Variants in UPP2 observed in about 807,000 individuals in gnomAD.
The protein encoded by UPP2 is uridine phosphorylase 2.
In UPP2, 23 loss-of-function variants were observed where a neutral mutation model predicts 26.7. The observed-to-expected ratio is 0.86, with a 90% CI of 0.62 to 1.22. The LOEUF is 1.22. Ranked by LOEUF, UPP2 falls within the 50% of genes most tolerant of loss-of-function variation. The pLI is 0.00. For missense variants in UPP2, 387 were observed against 396.7 expected, an observed-to-expected ratio of 0.98 and a Z score of 0.21; for synonymous variants, 127 against 141.3, an observed-to-expected ratio of 0.90 and a Z score of 0.72.
At chr2:158,120,440 C>T (rs1489011881) in intron 4 of UPP2, among the ~76,000 whole-genome samples, 2 of 152,036 alleles carry the variant, frequency 1.3e-5, no homozygotes, top group Admixed American at 6.5e-5. Flanking sequence ...ACTCATTTGA[C>T]AAATTTTTAT....
chr2:158,098,091 C>T (rs913783437), upstream of UPP2, among the ~76,000 whole-genome samples: 2 of 151,994 alleles, frequency 1.3e-5, no homozygotes, highest in Non-Finnish European at 2.9e-5. Flanking sequence ...GACTTGAACA[C>T]GGAGATTGCT....
At chr2:158,052,024 T>G (rs1184749037) in intron 3 of UPP2, among the ~76,000 whole-genome samples, 1 of 152,172 alleles carries the variant, frequency 6.6e-6, no homozygotes, top group East Asian at 1.9e-4. Context: ...TGGATAATTC[T>G]TCCAGCTACA....
At chr2:158,039,402 T>G (rs974249399) in intron 3 of UPP2, among the ~76,000 whole-genome samples, 3 of 152,244 alleles carry the variant, frequency 2.0e-5, no homozygotes, top group African/African-American at 7.2e-5. Context: ...ACAAAGCAAA[T>G]GCTAAGTATC....
chr2:158,039,014 A>C (rs1192302101), intron 3 of UPP2, among the ~76,000 whole-genome samples: 1 of 152,158 alleles, frequency 6.6e-6, no homozygotes, highest in African/African-American at 2.4e-5. Flanking sequence ...GCACTGAGAT[A>C]CTCCCTGTTC....
chr2:158,065,580 C>T, intron 3 of UPP2: 1 of 553,502 alleles, frequency 1.8e-6, no homozygotes, highest in South Asian at 1.5e-5. Context: ...CTGTGGAAGT[C>T]ACATACAAGA....
At chr2:158,119,085 C>T (rs1683504648) in intron 4 of UPP2, among the ~76,000 whole-genome samples, 1 of 152,036 alleles carries the variant, frequency 6.6e-6, no homozygotes, top group African/African-American at 2.4e-5. Context: ...TAGGGAACTG[C>T]TCATTTGGGC....
Position 158,068,538 on chromosome 2 carries a change from T to C in UPP2, c.148-33502T>C, listed in dbSNP as rs192274084. ...TGTATTACCTCCCCCGCTGTTCTGT[T>C]TGACTATGACAGAGACGGGGGCAGG... On this transcript the variant is annotated intron_variant, in intron 3 of 9. Coordinates refer to the UPP2 transcript ENST00000605860. Among the ~76,000 whole-genome samples, 24 of 151,822 alleles carry C rather than the reference T, an allele frequency of 1.6e-4. No homozygotes were observed. The East Asian group carries it at 4.5e-3, about 28-fold the overall frequency.
chr2:157,996,301 C>T (rs760718414), intron 2 of UPP2, among the ~76,000 whole-genome samples: 3 of 151,996 alleles, frequency 2.0e-5, no homozygotes, highest in African/African-American at 7.2e-5. Flanking sequence ...CCTAAACATA[C>T]TTTTTTTTCT....
intron 3 of UPP2, among the ~76,000 whole-genome samples, chr2:158,018,317 C>T (rs571465227): frequency 4.6e-5 from 7 of 152,352 alleles, no homozygotes; most frequent in African/African-American, 1.7e-4. Context: ...TTGGATTATG[C>T]TAATATTCTC....
intron 2 of UPP2, among the ~76,000 whole-genome samples, chr2:158,001,824 C>T (rs1351344545): frequency 6.6e-6 from 1 of 152,090 alleles, no homozygotes; most frequent in Non-Finnish European, 1.5e-5. Flanking sequence ...CAAAACACTG[C>T]TTGCAAATAC....
rs1683666760 is a variant in UPP2 at position 158,125,192 on chromosome 2, G to A, written c.811+1297G>A. ...ACAATAAAGCTTCATTTTTATAAGT[G>A]GAATTTGACTTGCAAAACTTGTCCT... is the stretch of plus-strand genomic sequence containing the variant. On this transcript the variant is annotated intron_variant, in intron 6 of 6. Transcript: ENST00000005756. Among the ~76,000 whole-genome samples the A allele has an allele frequency of 2.0e-5, 3 of 152,050 alleles. No homozygotes were observed. In the South Asian group the frequency reaches 6.2e-4, roughly 32 times the overall value.
chr2:158,103,705 T>C (rs4637061), intron 1 of UPP2, among the ~76,000 whole-genome samples: 15,731 of 152,268 alleles, frequency 0.1, 1,611 homozygotes, highest in African/African-American at 0.26. Context: ...TTAATGTGCA[T>C]GTGAATCACA....
intron 3 of UPP2, among the ~76,000 whole-genome samples, chr2:158,116,436 A>T (rs1278777289): frequency 6.6e-6 from 1 of 152,318 alleles, no homozygotes; most frequent in Non-Finnish European, 1.5e-5. Flanking sequence ...AGAAATGAAA[A>T]CAGCAATAGA....
intron 2 of UPP2, among the ~76,000 whole-genome samples, chr2:158,111,973 G>T (rs1275197164): frequency 2.0e-5 from 3 of 152,112 alleles, no homozygotes; most frequent in Admixed American, 2.0e-4. Flanking sequence ...AAGTAAATGG[G>T]AAGACATCCT....
chr2:158,116,461 T>G (rs990902917), intron 3 of UPP2, among the ~76,000 whole-genome samples: 8 of 152,184 alleles, frequency 5.3e-5, no homozygotes, highest in African/African-American at 1.9e-4. Flanking sequence ...TCCTGTCCTG[T>G]CTGGGAAAAA....
chr2:158,083,713 A>T (rs181372718), intron 3 of UPP2, among the ~76,000 whole-genome samples: 1,979 of 151,814 alleles, frequency 0.013, 44 homozygotes, highest in African/African-American at 0.041. Flanking sequence ...ATTAAAAAAA[A>T]ATATAATTGT....
At chr2:158,061,985 T>A (rs1456639597) in intron 3 of UPP2, among the ~76,000 whole-genome samples, 1 of 152,238 alleles carries the variant, frequency 6.6e-6, no homozygotes. Flanking sequence ...AAAGCCTGTT[T>A]TTTAAAATAA....
intron 3 of UPP2, among the ~76,000 whole-genome samples, chr2:158,085,556 G>T (rs1453582739): frequency 6.6e-6 from 1 of 152,110 alleles, no homozygotes; most frequent in Non-Finnish European, 1.5e-5. Context: ...GAAGTGGTGA[G>T]AGAGGGCATT....
intron 3 of UPP2, among the ~76,000 whole-genome samples, chr2:158,068,320 T>G (rs1270535601): frequency 6.6e-6 from 1 of 152,204 alleles, no homozygotes; most frequent in African/African-American, 2.4e-5. Context: ...AAGGCATACT[T>G]AATATCAGGC....
Sources: allele counts gnomAD v4.1 joint callset (sites outside exome capture counted in the v4.1 genomes callset), GRCh38; gene constraint gnomAD v4.1.1; transcripts MANE v1.5; gene names NCBI Gene and HGNC (gene_info 2026-07-23, HGNC 2026-07-21).